SGF29: variants seen among roughly 807,000 people sequenced by gnomAD.
SGF29 encodes the protein SAGA-associated factor 29.
A neutral mutation model predicts 38.1 loss-of-function variants in SGF29; 15 were observed. That is an observed-to-expected ratio of 0.39 (90% confidence interval 0.26 to 0.61). The LOEUF is 0.61. Ranked by LOEUF, SGF29 falls within the 20% of genes least tolerant of loss-of-function variation. The pLI, the probability that SGF29 is intolerant of heterozygous loss-of-function variation, is 0.49. For synonymous variants in SGF29, 151 were observed against 160.8 expected, an observed-to-expected ratio of 0.94 and a Z score of 0.46; for missense variants, 184 against 394.6, an observed-to-expected ratio of 0.47 and a Z score of 4.52.
intron 1 of SGF29, among the ~76,000 whole-genome samples, chr16:28,565,013 G>T (rs2046828122): frequency 6.6e-6 from 1 of 151,758 alleles, no homozygotes; most frequent in African/African-American, 2.4e-5. Flanking sequence ...CCTGAGAGGT[G>T]TAAGTCTCAG....
Position 28,582,020 on chromosome 16 carries a change from A to G in SGF29, c.75+876A>G, listed in dbSNP as rs961775211. Among the ~76,000 whole-genome samples, 4 of 152,128 alleles carry G rather than the reference A, an allele frequency of 2.6e-5. 1 individual carries two copies. The highest frequency in any genetic ancestry group is 6.5e-5 in the Admixed American group (1 of 15,278). ...TGTAGCTCACTGCAGGCTATCGGGC[A>G]TGCTCTGCCACATTTTGCCCACGAT... is the stretch of plus-strand genomic sequence containing the variant. On this transcript the variant is annotated intron_variant, in intron 2 of 9. Coordinates refer to ENST00000317058, the MANE Select transcript of SGF29 (RefSeq NM_138414.3).
At chr16:28,563,309 G>A (rs1200376431) in intron 1 of SGF29, among the ~76,000 whole-genome samples, 2 of 152,170 alleles carry the variant, frequency 1.3e-5, no homozygotes, top group Non-Finnish European at 2.9e-5. Context: ...AAGGCAGTGG[G>A]CACAGTTAGA....
rs761501589 is a variant in SGF29 at position 28,590,592 on chromosome 16, C to T, written c.567-39C>T. On this transcript the variant is annotated intron_variant, in intron 7 of 9. Coordinates refer to ENST00000317058, the MANE Select transcript of SGF29 (RefSeq NM_138414.3). This position sits in a 1 kb window ranked among gnomAD's most constrained non-coding sequence, Gnocchi z 8.2. ...CCTCACTCCCCAACAGGTACTGCGCCCCTGGCTGCATCCAGCCTTTTCCTC... is the reference window on the plus strand; with the variant it reads ...CCTCACTCCCCAACAGGTACTGCGCTCCTGGCTGCATCCAGCCTTTTCCTC... 1 of 1,612,924 alleles carries T rather than the reference C, an allele frequency of 6.2e-7. No individual in the cohort carries two copies. The highest frequency in any genetic ancestry group is 2.2e-5 in the East Asian group (1 of 44,878).
chr16:28,554,485 T>G (rs1227428904), intron 1 of SGF29, among the ~76,000 whole-genome samples: 5 of 152,148 alleles, frequency 3.3e-5, no homozygotes, highest in Non-Finnish European at 7.4e-5. Context: ...TGCACAAAAA[T>G]TTTGTATATA....
At chr16:28,574,061 C>T (rs574373780) in intron 1 of SGF29, among the ~76,000 whole-genome samples, 4 of 152,242 alleles carry the variant, frequency 2.6e-5, no homozygotes, top group Admixed American at 6.5e-5. Context: ...CAAATCTGTA[C>T]GGGTTTGCAG....
chr16:28,585,091 T>C, intron 3 of SGF29, 103 bp downstream of exon 3: 2 of 856,724 alleles, frequency 2.3e-6, no homozygotes, highest in South Asian at 1.6e-5. Flanking sequence ...TAGATTTGCA[T>C]GTATCTGCAT....
chr16:28,573,682 C>T (rs1434898415), intron 1 of SGF29, among the ~76,000 whole-genome samples: 2 of 152,094 alleles, frequency 1.3e-5, no homozygotes, highest in Non-Finnish European at 2.9e-5. Context: ...CTGTTTTTCC[C>T]TCTTTAGGGT....
chr16:28,565,378 G>A (rs1006484076), intron 1 of SGF29, among the ~76,000 whole-genome samples: 5 of 152,218 alleles, frequency 3.3e-5, no homozygotes, highest in African/African-American at 4.8e-5. Flanking sequence ...GAGCTTTGAG[G>A]TGCAGTATGT....
At chr16:28,584,883 C>G (rs558386361) in intron 2 of SGF29, 30 bp from the exon 3 acceptor site, 5 of 1,588,704 alleles carry the variant, frequency 3.1e-6, no homozygotes, top group Non-Finnish European at 4.3e-6. Context: ...AAAGGGCCAC[C>G]GTCATGTCCT....
chr16:28,573,917 G>T (rs776458003), intron 1 of SGF29, among the ~76,000 whole-genome samples: 7 of 152,132 alleles, frequency 4.6e-5, no homozygotes, highest in Non-Finnish European at 7.3e-5. Context: ...AGCACCTCTC[G>T]CTGTTTGTGA....
intron 2 of SGF29, among the ~76,000 whole-genome samples, chr16:28,584,546 T>C (rs1337508354): frequency 1.3e-5 from 2 of 151,996 alleles, no homozygotes; most frequent in Non-Finnish European, 2.9e-5. Flanking sequence ...TCCCAGCACT[T>C]TGGGAGGCCG....
chr16:28,589,392 T>C, intron 5 of SGF29: 1 of 526,462 alleles, frequency 1.9e-6, no homozygotes, highest in Non-Finnish European at 3.5e-6. Context: ...CATCCCGCCC[T>C]GGCCCCTCAT....
intron 2 of SGF29, among the ~76,000 whole-genome samples, chr16:28,582,167 G>A (rs946708402): frequency 3.3e-5 from 5 of 152,200 alleles, no homozygotes; most frequent in African/African-American, 1.2e-4. Flanking sequence ...AACCTGGAGA[G>A]TAAGAGTCAG....
intron 1 of SGF29, among the ~76,000 whole-genome samples, chr16:28,580,425 C>G (rs146576421): frequency 9.7e-4 from 147 of 152,272 alleles, no homozygotes; most frequent in African/African-American, 3.4e-3. Flanking sequence ...TTCTTGGAGG[C>G]TTAGACGGGG....
chr16:28,558,445 G>A (rs2046766296), intron 1 of SGF29, among the ~76,000 whole-genome samples: 2 of 151,980 alleles, frequency 1.3e-5, no homozygotes, highest in African/African-American at 4.8e-5. Context: ...TTTTGGTAGA[G>A]ATAGAGCCTC....
chr16:28,582,850 G>A (rs900173449), intron 2 of SGF29, among the ~76,000 whole-genome samples: 1 of 152,168 alleles, frequency 6.6e-6, no homozygotes, highest in Non-Finnish European at 1.5e-5. Context: ...CAGGAGAATC[G>A]CTTGAACCTG....
intron 3 of SGF29, chr16:28,585,215 A>C (rs531102579): frequency 1.8e-6 from 1 of 546,062 alleles, no homozygotes; most frequent in African/African-American, 1.9e-5. Context: ...TATCTAGGGA[A>C]GCTTGCCCTT....
intron 1 of SGF29, among the ~76,000 whole-genome samples, chr16:28,568,301 A>G (rs2046845592): frequency 6.8e-6 from 1 of 147,254 alleles, no homozygotes; most frequent in African/African-American, 2.5e-5. Flanking sequence ...CAGCAAGAGC[A>G]AAACTCCATC....
chr16:28,591,446 G>A, intron 9 of SGF29, 144 bp from the exon 10 acceptor site: 2 of 692,632 alleles, frequency 2.9e-6, no homozygotes, highest in Non-Finnish European at 5.2e-6. Flanking sequence ...ACTGGGCCAA[G>A]ACTTCTTGAC....
Sources: gnomAD v4.1 joint callset for allele counts (sites outside exome capture counted in the v4.1 genomes callset) on GRCh38, gnomAD v4.1.1 for gene constraint, Gnocchi (gnomAD v3.1) non-coding constraint, MANE v1.5 for transcripts, NCBI Gene and HGNC (gene_info 2026-07-23, HGNC 2026-07-21) for gene names.